Variants in ADAMTS17 observed in about 807,000 individuals in gnomAD.
The protein encoded by ADAMTS17 is ADAM metallopeptidase with thrombospondin type 1 motif 17.
A neutral mutation model predicts 141.5 loss-of-function variants in ADAMTS17; 113 were observed. That is an observed-to-expected ratio of 0.80 (90% CI 0.69 to 0.93). The LOEUF (loss-of-function observed/expected upper bound fraction) is 0.93, where lower values mean the gene tolerates loss of function less well. ADAMTS17 is among the 40% of genes least tolerant of loss of function. The probability of loss-of-function intolerance (pLI) is 0.00; values close to 1 mark genes in which losing one functional copy is unlikely to be tolerated. For synonymous variants in ADAMTS17, 768 were observed against 630.6 expected (o/e 1.22, Z -3.27); for missense variants, 1,659 against 1,517.9 (o/e 1.09, Z -1.54).
chr15:100,122,020 A>C (rs1797855911), intron 12 of ADAMTS17, among the ~76,000 whole-genome samples: 1 of 152,162 alleles, frequency 6.6e-6, no homozygotes, highest in South Asian at 2.1e-4. Flanking sequence ...AGTGGGCCCC[A>C]GTTGCACCCT....
At chr15:100,076,955 A>G (rs2034420719) in intron 15 of ADAMTS17, among the ~76,000 whole-genome samples, 1 of 152,144 alleles carries the variant, frequency 6.6e-6, no homozygotes, top group African/African-American at 2.4e-5. Context: ...TGAAGTTTAT[A>G]TATCTACTCA....
intron 8 of ADAMTS17, among the ~76,000 whole-genome samples, chr15:100,158,664 A>G (rs1243594255): frequency 6.6e-6 from 1 of 152,212 alleles, no homozygotes; most frequent in Admixed American, 6.5e-5. Flanking sequence ...TAGATGCCTT[A>G]TGTAAGTGGA....
chr15:100,264,540 G>T (rs906665093), intron 4 of ADAMTS17, among the ~76,000 whole-genome samples: 14 of 152,162 alleles, frequency 9.2e-5, no homozygotes, highest in Non-Finnish European at 1.9e-4. Context: ...ATTTAAAGAA[G>T]TAACACGAGA....
chr15:100,033,195 C>G (rs2030353913), intron 18 of ADAMTS17, among the ~76,000 whole-genome samples: 1 of 152,154 alleles, frequency 6.6e-6, no homozygotes, highest in Non-Finnish European at 1.5e-5. Context: ...CACACCTGAT[C>G]AAATTACACT....
chr15:100,138,997 G>A (rs996286667), intron 10 of ADAMTS17, among the ~76,000 whole-genome samples: 1 of 152,162 alleles, frequency 6.6e-6, no homozygotes, highest in African/African-American at 2.4e-5. Context: ...GGCGCATGGG[G>A]GGTATTTTGG....
chr15:100,107,030 C>T (rs1425357928), intron 14 of ADAMTS17, among the ~76,000 whole-genome samples: 1 of 152,184 alleles, frequency 6.6e-6, no homozygotes, highest in Admixed American at 6.5e-5. Context: ...GATAACAAAG[C>T]CAGGCAGTGC....
At chr15:100,108,601 G>A (rs1334999515) in intron 14 of ADAMTS17, among the ~76,000 whole-genome samples, 1 of 152,220 alleles carries the variant, frequency 6.6e-6, no homozygotes, top group Non-Finnish European at 1.5e-5. Context: ...CTATCTGCCT[G>A]GCGTGACCTG....
At chr15:100,252,743 C>A (rs937520684) in intron 7 of ADAMTS17, among the ~76,000 whole-genome samples, 37 of 152,316 alleles carry the variant, frequency 2.4e-4, no homozygotes, top group African/African-American at 7.5e-4. Flanking sequence ...CCCCAAATAA[C>A]AAAGCAGGAG....
chr15:100,134,033 G>A (rs951805703), intron 10 of ADAMTS17, among the ~76,000 whole-genome samples: 4 of 152,206 alleles, frequency 2.6e-5, no homozygotes, highest in African/African-American at 4.8e-5. Flanking sequence ...TCTGGGCATC[G>A]ACAAAGTGCT....
intron 8 of ADAMTS17, among the ~76,000 whole-genome samples, chr15:100,161,122 T>C (rs2039674145): frequency 6.6e-6 from 1 of 152,210 alleles, no homozygotes; most frequent in African/African-American, 2.4e-5. Flanking sequence ...CATAACTTCA[T>C]GGCCTTGACT....
intron 4 of ADAMTS17, among the ~76,000 whole-genome samples, chr15:100,269,208 A>G (rs943205564): frequency 6.6e-6 from 1 of 152,242 alleles, no homozygotes; most frequent in African/African-American, 2.4e-5. Flanking sequence ...CTTTCTGGAC[A>G]GCAGCCTTGG....
Position 99,993,324 on chromosome 15 carries a change from T to G in ADAMTS17, c.2797-124A>C. The G allele has an allele frequency of 7.1e-7, 1 of 1,414,382 alleles. No individual in the cohort carries two copies. The allele number at this position is 1,414,382 out of a possible 1,614,324, so 87.6% of individuals were successfully genotyped here. Reference sequence around the variant, plus strand: ...TGATACAAAGATGAAAACCCACACTTCTGTCCTCAAAAAGCTCCTGGTCTG... The same window carrying G: ...TGATACAAAGATGAAAACCCACACTGCTGTCCTCAAAAAGCTCCTGGTCTG... On this transcript the variant is annotated intron_variant, in intron 19 of 21. Transcript: ENST00000268070. The surrounding 1 kb of genome is among the most constrained non-coding windows in gnomAD (Gnocchi z 4.3).
chr15:100,190,535 G>T (rs1454783051), intron 8 of ADAMTS17, among the ~76,000 whole-genome samples: 1 of 152,210 alleles, frequency 6.6e-6, no homozygotes, highest in African/African-American at 2.4e-5. Flanking sequence ...GTCCACTACA[G>T]GAGAGGTCAT....
intron 3 of ADAMTS17, among the ~76,000 whole-genome samples, chr15:100,330,409 T>C (rs1226762249): frequency 6.6e-6 from 1 of 152,228 alleles, no homozygotes; most frequent in Non-Finnish European, 1.5e-5. Flanking sequence ...AAAATGTGCA[T>C]GTCTAACAAG....
intron 8 of ADAMTS17, among the ~76,000 whole-genome samples, chr15:100,159,485 G>A (rs761433273): frequency 6.6e-6 from 1 of 152,148 alleles, no homozygotes; most frequent in Non-Finnish European, 1.5e-5. Flanking sequence ...TTTGACTTAG[G>A]GTTTGATTTT....
At chr15:100,088,345 A>C (rs1010969621) in intron 15 of ADAMTS17, among the ~76,000 whole-genome samples, 15 of 152,228 alleles carry the variant, frequency 9.9e-5, no homozygotes, top group South Asian at 2.1e-4. Flanking sequence ...AAGAGGATAC[A>C]AACAAATGGA....
In ADAMTS17 at chr15:100,071,722, A is replaced by C. The variant is rs1351910470; in HGVS notation, c.2138-17668T>G. 4.0e-5 allele frequency among the ~76,000 whole-genome samples: 6 copies of C among 150,508 alleles called. 1 individual carries two copies. The highest frequency in any genetic ancestry group is 8.9e-5 in the Non-Finnish European group (6 of 67,578). On this transcript the variant is annotated intron_variant, in intron 15 of 21. Transcript: ENST00000268070. ...AAAATTCAACAACTCTTCATGCTAA[A>C]AACTCTCAATAAATTAGGTATTGAT...
chr15:100,206,445 G>A (rs1596275533), intron 7 of ADAMTS17, among the ~76,000 whole-genome samples: 1 of 152,182 alleles, frequency 6.6e-6, no homozygotes, highest in East Asian at 1.9e-4. Context: ...TTTGAAAACT[G>A]TAACACACTC....
chr15:100,254,209 T>C (rs2043250163), intron 6 of ADAMTS17, 30 bp from the exon 7 acceptor site: 1 of 1,597,770 alleles, frequency 6.3e-7, no homozygotes, highest in Non-Finnish European at 8.6e-7. Flanking sequence ...TCATCAGGTA[T>C]ATGCAGTATC....
Sources: allele counts gnomAD v4.1 joint callset (sites outside exome capture counted in the v4.1 genomes callset), GRCh38; gene constraint gnomAD v4.1.1; non-coding constraint Gnocchi (gnomAD v3.1); transcripts MANE v1.5; gene names NCBI Gene and HGNC (gene_info 2026-07-23, HGNC 2026-07-21).